HMCN1: variants seen among roughly 807,000 people sequenced by gnomAD.
HMCN1 encodes the protein hemicentin-1.
A neutral mutation model predicts 625.9 loss-of-function variants in HMCN1; 321 were observed. The observed-to-expected ratio is 0.51, with a 90% CI of 0.47 to 0.56. The LOEUF (loss-of-function observed/expected upper bound fraction) is 0.56. HMCN1 is among the 20% of genes least tolerant of loss of function. HMCN1 has a pLI of 0.00. For synonymous variants in HMCN1, 2,425 were observed against 2,417.6 expected (o/e 1.00, Z -0.09); for missense variants, 6,588 against 6,887.3 (o/e 0.96, Z 1.54).
chr1:185,962,488 T>C, intron 11 of HMCN1, 30 bp from the exon 12 acceptor site: 1 of 1,605,792 alleles, frequency 6.2e-7, no homozygotes, highest in Non-Finnish European at 8.5e-7. Context: ...AAATTGGCAT[T>C]TTTCTACATA....
chr1:185,983,963 T>C (rs1031654391), intron 18 of HMCN1, among the ~76,000 whole-genome samples: 1 of 152,206 alleles, frequency 6.6e-6, no homozygotes, highest in Non-Finnish European at 1.5e-5. Flanking sequence ...TTAATAGGTA[T>C]AATATTTGGA....
intron 93 of HMCN1, among the ~76,000 whole-genome samples, chr1:186,148,294 G>A (rs1317746697): frequency 6.6e-6 from 1 of 152,112 alleles, no homozygotes; most frequent in Non-Finnish European, 1.5e-5. Flanking sequence ...CACTTCTGTA[G>A]TTACTTCCTC....
rs779322962 is a variant in HMCN1 at position 186,082,889 on chromosome 1, A to T, written c.8812A>T (p.Ile2938Phe). The T allele has an allele frequency of 3.1e-6, 5 of 1,588,230 alleles. No individual in the cohort carries two copies. In the African/African-American group the frequency reaches 6.7e-5, roughly 21 times the overall value. The change falls in exon 57 of 107, where the codon ATC becomes TTC. Residue 2938 changes from isoleucine (I) to phenylalanine (F), a missense_variant. By Grantham distance (21) the Ile-to-Phe change is conservative (BLOSUM62 0). Transcript: ENST00000271588. The stretch of plus-strand genomic sequence containing the variant: ...GATTCTGAATACTCAAATAACAGAT[A>T]TCGGCAGGTATGTGTGTGTTGCTGA... Reference protein sequence around the residue: ...LQILNTQITDIGRYVCVAENT... With the variant: ...LQILNTQITDFGRYVCVAENT...
chr1:186,152,465 CATTTTT>C (rs1650735931), intron 95 of HMCN1, among the ~76,000 whole-genome samples: 1 of 152,168 alleles, frequency 6.6e-6, no homozygotes, highest in African/African-American at 2.4e-5. Flanking sequence ...ACAGACAATT[CATTTTT>C]ATAAGAGTGC....
chr1:185,791,373 A>T (rs912651109), intron 1 of HMCN1, among the ~76,000 whole-genome samples: 2 of 151,414 alleles, frequency 1.3e-5, no homozygotes, highest in Admixed American at 6.6e-5. Context: ...TTAATTGACC[A>T]TGAACATTGT....
intron 9 of HMCN1, among the ~76,000 whole-genome samples, chr1:185,926,544 A>G (rs1277277458): frequency 1.3e-5 from 2 of 152,212 alleles, no homozygotes; most frequent in African/African-American, 4.8e-5. Context: ...AGAAACATTA[A>G]TTCATTAATT....
At chr1:185,848,429 G>A (rs1483994635) in intron 2 of HMCN1, among the ~76,000 whole-genome samples, 1 of 151,890 alleles carries the variant, frequency 6.6e-6, no homozygotes, top group East Asian at 1.9e-4. Flanking sequence ...CAACTTCTTA[G>A]GAAACTTCAT....
At chr1:185,892,919 G>T (rs985089675) in intron 4 of HMCN1, among the ~76,000 whole-genome samples, 1 of 152,116 alleles carries the variant, frequency 6.6e-6, no homozygotes, top group Non-Finnish European at 1.5e-5. Context: ...CCTCGCTGCC[G>T]CCTTGCAGTT....
chr1:186,000,729 T>A (rs1478248435), intron 26 of HMCN1, among the ~76,000 whole-genome samples: 18 of 152,082 alleles, frequency 1.2e-4, no homozygotes, highest in Non-Finnish European at 8.8e-5. Context: ...CACTAAACAA[T>A]CTATCTTGGA....
At chr1:186,159,161 G>A (rs1473879973) in intron 97 of HMCN1, among the ~76,000 whole-genome samples, 9 of 151,776 alleles carry the variant, frequency 5.9e-5, no homozygotes, top group African/African-American at 2.2e-4. Flanking sequence ...CTTGTAAGTT[G>A]GATTCCTAGG....
intron 105 of HMCN1, among the ~76,000 whole-genome samples, chr1:186,187,004 A>T (rs994409423): frequency 2.7e-5 from 4 of 146,478 alleles, no homozygotes; most frequent in Non-Finnish European, 6.1e-5. Context: ...TCACACACAC[A>T]CACACACACA....
chr1:186,152,618 G>A (rs1375210611), intron 95 of HMCN1, 132 bp from the exon 96 acceptor site: 1 of 1,052,862 alleles, frequency 9.5e-7, no homozygotes, highest in South Asian at 1.3e-5. Context: ...TGCTATTTCA[G>A]TTCTCATCAT....
At chr1:186,157,661 G>A (rs7525679) in intron 97 of HMCN1, among the ~76,000 whole-genome samples, 90,396 of 151,998 alleles carry the variant, frequency 0.59, 29,810 homozygotes, top group African/African-American at 0.89. Flanking sequence ...TCATTGTTCA[G>A]TTCCCACCTA....
chr1:186,022,733 T>A (rs743138), intron 35 of HMCN1, among the ~76,000 whole-genome samples: 2 of 151,702 alleles, frequency 1.3e-5, no homozygotes, highest in South Asian at 2.1e-4. Flanking sequence ...TTTTCATCAC[T>A]TACTTCATAG....
At chr1:185,980,560 A>T (rs369131798) in intron 16 of HMCN1, among the ~76,000 whole-genome samples, 2 of 152,256 alleles carry the variant, frequency 1.3e-5, no homozygotes, top group East Asian at 3.9e-4. Flanking sequence ...CATTGCATCA[A>T]CTAAAAAATC....
At chr1:186,068,489 G>A (rs1271392639) in intron 50 of HMCN1, among the ~76,000 whole-genome samples, 1 of 152,158 alleles carries the variant, frequency 6.6e-6, no homozygotes, top group African/African-American at 2.4e-5. Context: ...TGTGCAAAGA[G>A]TTGATTAAGA....
At chr1:185,783,665 T>G (rs1437445927) in intron 1 of HMCN1, among the ~76,000 whole-genome samples, 9 of 152,222 alleles carry the variant, frequency 5.9e-5, no homozygotes, top group Non-Finnish European at 1.2e-4. Flanking sequence ...CAGCAAATAT[T>G]GCTGAACAGC....
rs553317695 is a variant in HMCN1 at position 185,846,284 on chromosome 1, T to A, written c.339+188T>A. ...ACAATACATACAGAAATAGGACAGATGGGGTTTGAAATATCACCAGTTAGT... is the reference window on the plus strand; with the variant it reads ...ACAATACATACAGAAATAGGACAGAAGGGGTTTGAAATATCACCAGTTAGT... On this transcript the variant is annotated intron_variant, in intron 2 of 106. Transcript: ENST00000271588. 7.9e-5 allele frequency among the ~76,000 whole-genome samples: 12 copies of A among 152,264 alleles called. 1 individual carries two copies. The South Asian group carries it at 2.5e-3, about 32-fold the overall frequency.
chr1:186,041,661 G>A (rs1173166581), intron 40 of HMCN1, among the ~76,000 whole-genome samples: 3 of 152,076 alleles, frequency 2.0e-5, no homozygotes. Flanking sequence ...GGGAATGCCC[G>A]ATCCCATCAC....
Sources: gnomAD v4.1 joint callset for allele counts (sites outside exome capture counted in the v4.1 genomes callset) on GRCh38, gnomAD v4.1.1 for gene constraint, MANE v1.5 for transcripts, NCBI Gene and HGNC (gene_info 2026-07-23, HGNC 2026-07-21) for gene names.